NOS1: variants seen among roughly 807,000 people sequenced by gnomAD.
The protein encoded by NOS1 is NOS type I.
In NOS1, 51 loss-of-function variants were observed where a neutral mutation model predicts 164.5. The observed-to-expected ratio is 0.31, with a 90% confidence interval of 0.25 to 0.39. The LOEUF (loss-of-function observed/expected upper bound fraction) is 0.39, where lower values mean the gene tolerates loss of function less well. Ranked by LOEUF, NOS1 falls within the 10% of genes least tolerant of loss-of-function variation. The probability of loss-of-function intolerance (pLI) is 1.00; values close to 1 mark genes in which losing one functional copy is unlikely to be tolerated. For missense variants in NOS1, 1,362 were observed against 1,885.6 expected, an observed-to-expected ratio of 0.72 and a Z score of 5.14; for synonymous variants, 719 against 745.8, an observed-to-expected ratio of 0.96 and a Z score of 0.59.
intron 1 of NOS1, among the ~76,000 whole-genome samples, chr12:117,334,241 GTTTCTCTCTCAC>G (rs1347587934): frequency 6.6e-6 from 1 of 152,162 alleles, no homozygotes; most frequent in Non-Finnish European, 1.5e-5. Context: ...TTGGTGTGCT[GTTTCTCTCTCAC>G]ACCTTGGCTG....
chr12:117,284,010 C>A (rs1251926443), intron 7 of NOS1, among the ~76,000 whole-genome samples: 1 of 152,004 alleles, frequency 6.6e-6, no homozygotes, highest in East Asian at 1.9e-4. Flanking sequence ...GGAAAGACAC[C>A]TAAATACCAA....
At chr12:117,310,625 T>A (rs1422295064) in intron 3 of NOS1, among the ~76,000 whole-genome samples, 1 of 152,068 alleles carries the variant, frequency 6.6e-6, no homozygotes, top group African/African-American at 2.4e-5. Flanking sequence ...CTTTTCATCA[T>A]GTATCTTTTT....
At chr12:117,288,443 C>G (rs1328459810) in intron 4 of NOS1, among the ~76,000 whole-genome samples, 1 of 152,148 alleles carries the variant, frequency 6.6e-6, no homozygotes, top group Non-Finnish European at 1.5e-5. Flanking sequence ...CTCTACTCAT[C>G]TTGGGAACAG....
rs773842176 is a variant in NOS1 at position 117,226,723 on chromosome 12, G to C, written c.3664C>G (p.Arg1222Gly). 1 of 1,613,800 alleles carries C rather than the reference G, an allele frequency of 6.2e-7. No homozygotes were observed. The highest frequency in any genetic ancestry group is 8.5e-7 in the Non-Finnish European group (1 of 1,179,950). ...GGGACCAGTTCGTCAGCCTGTATCCGGTTGAGCCAGGAGGAGCATACGCCG... is the reference window on the plus strand; with the variant it reads ...GGGACCAGTTCGTCAGCCTGTATCCCGTTGAGCCAGGAGGAGCATACGCCG... ...HHGVCSSWLN[R>G]IQADELVPCF... The change falls in exon 24 of 29, where the codon CGG (arginine) becomes GGG (glycine). Residue 1222 changes from arginine (R) to glycine (G), a missense_variant. Physicochemically the swap from Arg to Gly is moderately radical, Grantham distance 125 (BLOSUM62 -2). Coordinates refer to ENST00000317775, the MANE Select transcript of NOS1 (RefSeq NM_000620.5).
intron 20 of NOS1, among the ~76,000 whole-genome samples, chr12:117,237,688 A>AC (rs1869830591): frequency 1.3e-5 from 2 of 150,886 alleles, no homozygotes; most frequent in South Asian, 2.1e-4. Context: ...AAAAAAAAAA[A>AC]CAGAAAATGT....
intron 20 of NOS1, among the ~76,000 whole-genome samples, chr12:117,240,909 T>C (rs146398668): frequency 1.5e-4 from 23 of 151,798 alleles, no homozygotes; most frequent in Admixed American, 5.9e-4. Context: ...TGTCCATCCA[T>C]CTCTCTCCTT....
chr12:117,351,780 A>T (rs1018103390), intron 1 of NOS1, among the ~76,000 whole-genome samples: 3 of 152,262 alleles, frequency 2.0e-5, no homozygotes, highest in African/African-American at 7.2e-5. Context: ...GAGATTAAAT[A>T]ACTTGCCAAG....
rs565236013 is a variant in NOS1, at chr12:117,256,782, A to AT, written c.2531+1614dup. Among the ~76,000 whole-genome samples, 184 of 151,114 alleles carry AT rather than the reference A, an allele frequency of 1.2e-3. 1 individual carries two copies. The highest frequency in any genetic ancestry group is 4.3e-3 in the African/African-American group (176 of 41,238). On this transcript the variant is annotated intron_variant, in intron 16 of 28. Transcript: ENST00000317775. Reference sequence around the variant, plus strand: ...GGCTTTTCAAGGGTCATTAACAAAAATTTTTTTGTCATGGTGCGGTGGCTC... The same window carrying AT: ...GGCTTTTCAAGGGTCATTAACAAAAATTTTTTTTGTCATGGTGCGGTGGCTC...
rs927252271 is a variant in NOS1, at chr12:117,213,394, A to G, written c.*1915T>C. 2.9e-5 allele frequency: 29 copies of G among 985,376 alleles called. No homozygotes were observed. The highest frequency in any genetic ancestry group is 3.5e-5 in the Non-Finnish European group (29 of 829,998). The allele number at this position is 985,376 out of a possible 1,614,324, so 61.0% of individuals were successfully genotyped here. A position where few individuals can be genotyped will look rare whatever the true frequency, so the allele number is the denominator to read the frequency against. On this transcript the variant is annotated 3_prime_UTR_variant, in exon 29 of 29. Transcript: ENST00000317775. ...GTGGGATGCTAAGTGTTTGTTCTTT[A>G]TATCTGTGGAAGAGTGAGCAGGGGA...
At chr12:117,340,553 G>A (rs1454793462) in intron 1 of NOS1, among the ~76,000 whole-genome samples, 3 of 151,934 alleles carry the variant, frequency 2.0e-5, no homozygotes, top group South Asian at 4.2e-4. Context: ...ATTTTGAGAC[G>A]GAGTCTCACT....
At chr12:117,353,215 A>G (rs368931243) in intron 1 of NOS1, among the ~76,000 whole-genome samples, 83 of 152,090 alleles carry the variant, frequency 5.5e-4, no homozygotes, top group Non-Finnish European at 1.1e-3. Flanking sequence ...TCTGTTATCT[A>G]TCTATTCATC....
At chr12:117,338,299 A>C (rs1259229796) in intron 1 of NOS1, among the ~76,000 whole-genome samples, 1 of 151,696 alleles carries the variant, frequency 6.6e-6, no homozygotes, top group Admixed American at 6.6e-5. Context: ...TATTCTGGAG[A>C]CTGAGGTGGG....
chr12:117,288,307 T>C lies in NOS1; in HGVS notation c.982-88A>G, dbSNP rs1872840667. 5 of 1,316,492 alleles carry C rather than the reference T, an allele frequency of 3.8e-6. No homozygotes were observed. The East Asian group carries it at 7.0e-5, about 18-fold the overall frequency. The allele number at this position is 1,316,492 out of a possible 1,614,324, so 81.6% of individuals were successfully genotyped here. ...GTGGGCTTGGATCTCGTACTCATGG[T>C]TGAGTTTATCTGGCCCTTAATTCCC... On this transcript the variant is annotated intron_variant, in intron 4 of 28. Coordinates refer to ENST00000317775, the MANE Select transcript of NOS1 (RefSeq NM_000620.5).
intron 8 of NOS1, among the ~76,000 whole-genome samples, chr12:117,279,709 G>A (rs1328329743): frequency 3.3e-5 from 5 of 152,194 alleles, no homozygotes. Context: ...ATGTTCTGGT[G>A]ACCACGAGGA....
At chr12:117,283,130 G>A (rs540896698) in intron 7 of NOS1, among the ~76,000 whole-genome samples, 81 of 148,224 alleles carry the variant, frequency 5.5e-4, no homozygotes, top group African/African-American at 1.9e-3. Context: ...GTGCAACCTC[G>A]GCTCACTGCA....
chr12:117,354,207 CGAAAATATTTA>C (rs1876759968), intron 1 of NOS1, among the ~76,000 whole-genome samples: 1 of 150,172 alleles, frequency 6.7e-6, no homozygotes, highest in Non-Finnish European at 1.5e-5. Flanking sequence ...CAGCTGGAAG[CGAAAATATTTA>C]TCTACGTATA....
At chr12:117,264,171 T>A (rs1433507469) in intron 12 of NOS1, among the ~76,000 whole-genome samples, 197 bp from the exon 13 acceptor site, 2 of 150,624 alleles carry the variant, frequency 1.3e-5, no homozygotes, top group African/African-American at 4.9e-5. Context: ...GCCCAGTGGG[T>A]GGTCTGGCCT....
In NOS1 at chr12:117,210,310, A is replaced by G; in HGVS notation, c.*4999T>C. 2 of 985,334 alleles carry G rather than the reference A, an allele frequency of 2.0e-6. No homozygotes were observed. Among genetic ancestry groups the G allele is most frequent in the Non-Finnish European group, 2.4e-6 (2 of 829,948 alleles). 61.0% of individuals were successfully genotyped at this position (985,334 alleles called of 1,614,324 possible). A position where few individuals can be genotyped will look rare whatever the true frequency, so the allele number is the denominator to read the frequency against. On this transcript the variant is annotated 3_prime_UTR_variant, in exon 29 of 29. Transcript: ENST00000317775. ...TGAGCCAAAGAGGACATTTGGATGCAGGAGACTATGAAGGTTGGGGACAGC... is the reference window on the plus strand; with the variant it reads ...TGAGCCAAAGAGGACATTTGGATGCGGGAGACTATGAAGGTTGGGGACAGC...
At chr12:117,231,811 G>T in intron 22 of NOS1, 151 bp downstream of exon 22, 3 of 803,730 alleles carry the variant, frequency 3.7e-6, no homozygotes, top group Non-Finnish European at 3.9e-6. Context: ...CAGCCACGTT[G>T]GACCAGCCAA....
Sources: allele counts gnomAD v4.1 joint callset (sites outside exome capture counted in the v4.1 genomes callset), GRCh38; gene constraint gnomAD v4.1.1; transcripts MANE v1.5; gene names NCBI Gene and HGNC (gene_info 2026-07-23, HGNC 2026-07-21).